CARD9: variants seen among roughly 807,000 people sequenced by gnomAD.
CARD9 encodes the protein caspase recruitment domain-containing protein 9.
CARD9 carries 53 observed loss-of-function variants against 66.0 expected under a neutral mutation model. The observed-to-expected ratio is 0.80, with a 90% CI of 0.64 to 1.01. CARD9 has a LOEUF of 1.01. Ranked by LOEUF, CARD9 falls within the 50% of genes least tolerant of loss-of-function variation. CARD9 has a pLI of 0.00. For missense variants in CARD9, 769 were observed against 743.2 expected (o/e 1.03, Z -0.40); for synonymous variants, 387 against 313.8 (o/e 1.23, Z -2.47).
intron 7 of CARD9, among the ~76,000 whole-genome samples, chr9:136,369,424 C>T (rs1412083309): frequency 6.6e-6 from 1 of 152,202 alleles, no homozygotes; most frequent in East Asian, 1.9e-4. Flanking sequence ...GAAGGTTGAA[C>T]ACGGTTTTCC....
chr9:136,364,101 T>C lies in CARD9; in HGVS notation c.*201A>G. On this transcript the variant is annotated 3_prime_UTR_variant, in exon 13 of 13. Coordinates refer to ENST00000371732, the MANE Select transcript of CARD9 (RefSeq NM_052813.5). Reference sequence around the variant, plus strand: ...TGCATGGGGGTGGTGAGCACCCGCATGGCCTCCGCAAAATGAGTGCCGCTT... The same window carrying C: ...TGCATGGGGGTGGTGAGCACCCGCACGGCCTCCGCAAAATGAGTGCCGCTT... The C allele has an allele frequency of 2.6e-6, 4 of 1,550,500 alleles. No homozygotes were observed. The highest frequency in any genetic ancestry group is 3.5e-6 in the Non-Finnish European group (4 of 1,146,870).
Position 136,368,505 on chromosome 9 carries a change from G to C in CARD9, c.1078-677C>G, listed in dbSNP as rs1357063962. ...CTCTGAGCCTGGGCTGCTCTCATGG[G>C]GGCCGGGGCTTCCTTTGTAGCCCCA... On this transcript the variant is annotated intron_variant, in intron 7 of 12. Transcript: ENST00000371732. Among the ~76,000 whole-genome samples, 15 of 152,238 alleles carry C rather than the reference G, an allele frequency of 9.9e-5. 1 individual carries two copies. Among genetic ancestry groups the C allele is most frequent in the Admixed American group, 9.8e-4 (15 of 15,284 alleles).
intron 10 of CARD9, chr9:136,366,243 G>A (rs1833121269): frequency 6.1e-6 from 1 of 163,586 alleles, no homozygotes; most frequent in South Asian, 1.5e-4. Context: ...CAGGCAGAGG[G>A]GGCCTGCCCT....
intron 6 of CARD9, 192 bp downstream of exon 6, chr9:136,370,102 G>C (rs1833221865): frequency 7.1e-7 from 1 of 1,401,860 alleles, no homozygotes; most frequent in African/African-American, 1.4e-5. Context: ...CATGAGCCCA[G>C]AGGTTGGCCT....
At position 136,364,291 on chromosome 9, in the gene CARD9, C is replaced by G; in HGVS notation, c.*11G>C. 1 of 1,553,664 alleles carries G rather than the reference C, an allele frequency of 6.4e-7. No homozygotes were observed. The highest frequency in any genetic ancestry group is 8.7e-7 in the Non-Finnish European group (1 of 1,148,572). The stretch of plus-strand genomic sequence containing the variant: ...GTGGGTGTGCCCTGGTCGGGGCCTG[C>G]GCTGCTGCGGCTAGGAGCCCTCAGT... On this transcript the variant is annotated 3_prime_UTR_variant, in exon 13 of 13. Transcript: ENST00000371732.
chr9:136,370,235 T>C, intron 6 of CARD9, 59 bp downstream of exon 6: 1 of 1,573,930 alleles, frequency 6.4e-7, no homozygotes, highest in South Asian at 1.1e-5. Context: ...TGGGCGGAGC[T>C]CAGCCCGTCC....
At chr9:136,365,015 T>G in intron 11 of CARD9, 126 bp downstream of exon 11, 3 of 861,112 alleles carry the variant, frequency 3.5e-6, no homozygotes, top group South Asian at 3.1e-5. Context: ...GGCAGAGACC[T>G]TGTGGTCACT....
At position 136,364,323 on chromosome 9, in the gene CARD9, G is replaced by A. The variant is rs199747017; in HGVS notation, c.1590C>T (p.Asn530=). ...GCGGCTAGGAGCCCTCAGTGTCGGT[G>A]TTGTCGCTGCCCGTGGTGTTCTCCC... ...EDRENTTGSD[N]TDTEGS is the part of the protein sequence containing the mutation. The change falls in exon 13 of 13, where the codon AAC becomes AAT. Residue 530 remains asparagine (N), a synonymous_variant. Transcript: ENST00000371732. 12 of 1,563,448 alleles carry A rather than the reference G, an allele frequency of 7.7e-6. No individual in the cohort carries two copies. The highest frequency in any genetic ancestry group is 1.7e-4 in the Middle Eastern group (1 of 6,000).
In CARD9 at chr9:136,369,610, C is replaced by T. The variant is rs1163979851; in HGVS notation, c.1077+140G>A. The T allele has an allele frequency of 2.7e-6, 4 of 1,489,498 alleles. No individual in the cohort carries two copies. The Admixed American group carries it at 6.1e-5, about 23-fold the overall frequency. The allele number at this position is 1,489,498 out of a possible 1,614,324, so 92.3% of individuals were successfully genotyped here. A position where few individuals can be genotyped will look rare whatever the true frequency, so the allele number is the denominator to read the frequency against. Reference sequence around the variant, plus strand: ...GCTTGAGGCCAGTAGTTTGAGGCCACCCTGGGTGACATAGCAAGACCCCAT... The same window carrying T: ...GCTTGAGGCCAGTAGTTTGAGGCCATCCTGGGTGACATAGCAAGACCCCAT... On this transcript the variant is annotated intron_variant, in intron 7 of 12. Coordinates refer to ENST00000371732, the MANE Select transcript of CARD9 (RefSeq NM_052813.5).
At chr9:136,367,132 A>G in intron 9 of CARD9, 84 bp downstream of exon 9, 1 of 1,445,420 alleles carries the variant, frequency 6.9e-7, no homozygotes, top group South Asian at 1.2e-5. Context: ...TGTGACGGGC[A>G]GTGTGGGGCT....
Position 136,365,059 on chromosome 9 carries a change from C to T in CARD9, c.1434+82G>A, listed in dbSNP as rs1833087413. 6.5e-6 allele frequency: 9 copies of T among 1,392,004 alleles called. No homozygotes were observed. The Middle Eastern group carries it at 5.9e-4, about 91-fold the overall frequency. The allele number at this position is 1,392,004 out of a possible 1,614,324, so 86.2% of individuals were successfully genotyped here. A position where few individuals can be genotyped will look rare whatever the true frequency, so the allele number is the denominator to read the frequency against. On this transcript the variant is annotated intron_variant, in intron 11 of 12. Transcript: ENST00000371732. Reference sequence around the variant, plus strand: ...GTCGTCGGGGCCACCGCAGGGGGTGCCCAGGGCAGGGAGCCACTCTCCCTG... The same window carrying T: ...GTCGTCGGGGCCACCGCAGGGGGTGTCCAGGGCAGGGAGCCACTCTCCCTG...
At chr9:136,369,583 T>C (rs1246783230) in intron 7 of CARD9, among the ~76,000 whole-genome samples, 167 bp downstream of exon 7, 2 of 152,204 alleles carry the variant, frequency 1.3e-5, no homozygotes, top group Non-Finnish European at 2.9e-5. Flanking sequence ...GGCCGGAGGA[T>C]TGCTTGAGGC....
At chr9:136,364,609 C>T (rs1342458589) in intron 11 of CARD9, 50 bp from the exon 12 acceptor site, 5 of 1,511,538 alleles carry the variant, frequency 3.3e-6, no homozygotes, top group East Asian at 2.5e-5. Flanking sequence ...TGAGGGAACC[C>T]GTCCTTCTCA....
chr9:136,367,467 G>T (rs1833150318), intron 8 of CARD9, 170 bp downstream of exon 8: 3 of 956,846 alleles, frequency 3.1e-6, no homozygotes, highest in Admixed American at 2.3e-5. Context: ...TTCCTGCTGG[G>T]ACCCTGAACT....
At chr9:136,371,674 C>T (rs1249170414) in intron 2 of CARD9, among the ~76,000 whole-genome samples, 1 of 151,214 alleles carries the variant, frequency 6.6e-6, no homozygotes, top group East Asian at 1.9e-4. Context: ...GCCCCCGCTG[C>T]GGTGGGAGCC....
Position 136,370,549 on chromosome 9 carries a change from C to T in CARD9, c.780G>A (p.Arg260=). The T allele has an allele frequency of 1.2e-6, 2 of 1,606,338 alleles. No homozygotes were observed. The highest frequency in any genetic ancestry group is 1.3e-5 in the African/African-American group (1 of 74,840). Residue 260 remains arginine, a synonymous_variant, in exon 5 of 13, where the codon CGG becomes CGA. Coordinates refer to ENST00000371732, the MANE Select transcript of CARD9 (RefSeq NM_052813.5). ...LQQEKALLQA[R]VQELEASVQE... Reference sequence around the variant, plus strand: ...GGACGGAGGCCTCCAGCTCCTGCACCCGGGCCTGGAGCAGGGCCTTCTCCT... The same window carrying T: ...GGACGGAGGCCTCCAGCTCCTGCACTCGGGCCTGGAGCAGGGCCTTCTCCT...
At position 136,371,472 on chromosome 9, in the gene CARD9, G is replaced by A. The variant is rs1833271868; in HGVS notation, c.185-11C>T. The A allele has an allele frequency of 6.4e-7, 1 of 1,568,826 alleles. No homozygotes were observed. Among genetic ancestry groups the A allele is most frequent in the Admixed American group, 1.8e-5 (1 of 54,382 alleles). On this transcript the variant is annotated splice_polypyrimidine_tract_variant and intron_variant, in intron 2 of 12. Transcript: ENST00000371732. ...TGTCCAGGAGCACACCTGCGGGCCA[G>A]AGAGGCCTAACTGGGGGCGGGGCAC...
At chr9:136,366,613 G>A in intron 10 of CARD9, 187 bp downstream of exon 10, 1 of 661,720 alleles carries the variant, frequency 1.5e-6, no homozygotes, top group South Asian at 1.7e-5. Flanking sequence ...GGTTCCAGCT[G>A]GGCTCTGTAG....
intron 11 of CARD9, chr9:136,364,857 C>A: frequency 1.7e-6 from 1 of 595,336 alleles, no homozygotes; most frequent in Non-Finnish European, 3.0e-6. Flanking sequence ...GCTCTCAGGA[C>A]TCCTGTGTTC....
Sources: gnomAD v4.1 joint callset for allele counts (sites outside exome capture counted in the v4.1 genomes callset) on GRCh38, gnomAD v4.1.1 for gene constraint, MANE v1.5 for transcripts, NCBI Gene and HGNC (gene_info 2026-07-23, HGNC 2026-07-21) for gene names.